RAB10: variants seen among roughly 807,000 people sequenced by gnomAD.
The protein encoded by RAB10 is RAB10, member RAS oncogene family.
RAB10 carries 5 observed loss-of-function variants against 25.7 expected under a neutral mutation model. That is an observed-to-expected ratio of 0.19 (90% CI 0.10 to 0.41). RAB10 has a LOEUF of 0.41. RAB10 is among the 10% of genes least tolerant of loss of function. RAB10 has a pLI of 1.00. For missense variants in RAB10, 103 were observed against 245.8 expected (o/e 0.42, Z 3.89); for synonymous variants, 89 against 86.4 (o/e 1.03, Z -0.16).
chr2:26,092,310 TG>T, intron 1 of RAB10, among the ~76,000 whole-genome samples: 1 of 56,002 alleles, frequency 1.8e-5, no homozygotes, highest in South Asian at 5.3e-4. Context: ...TGTGTGTGTG[TG>T]TGTGTGTGTG....
chr2:26,098,819 CT>C (rs1168434667), intron 2 of RAB10, 97 bp downstream of exon 2: 1 of 1,087,916 alleles, frequency 9.2e-7, no homozygotes, highest in Non-Finnish European at 1.3e-6. Flanking sequence ...TTCTGTGAGA[CT>C]TTTGTTTTTA....
intron 1 of RAB10, among the ~76,000 whole-genome samples, chr2:26,081,304 A>G (rs1666863737): frequency 6.6e-6 from 1 of 151,954 alleles, no homozygotes; most frequent in Admixed American, 6.6e-5. Context: ...CATAGTTTGT[A>G]CTCCCTGATA....
intron 2 of RAB10, among the ~76,000 whole-genome samples, chr2:26,099,564 G>A (rs1420076732): frequency 3.7e-5 from 4 of 108,754 alleles, no homozygotes; most frequent in Non-Finnish European, 6.9e-5. Context: ...TTTTTGAGGT[G>A]GAGTCTCGCT....
In RAB10 at chr2:26,110,983, G is replaced by C. The variant is rs562318587; in HGVS notation, c.327+1077G>C. ...GGCCTCCTGAAGTGCTAGGATTGCA[G>C]GCATGAGCCACTGCACCCAGCCTGA... is the stretch of plus-strand genomic sequence containing the variant. On this transcript the variant is annotated intron_variant, in intron 3 of 5. Coordinates refer to ENST00000264710, the MANE Select transcript of RAB10 (RefSeq NM_016131.5). Among the ~76,000 whole-genome samples the C allele has an allele frequency of 9.2e-4, 140 of 152,268 alleles. 4 individuals are homozygous for C. The South Asian group carries it at 0.028, about 30-fold the overall frequency.
chr2:26,107,364 C>T (rs576395269), intron 2 of RAB10, among the ~76,000 whole-genome samples: 1 of 152,076 alleles, frequency 6.6e-6, no homozygotes, highest in Admixed American at 6.6e-5. Flanking sequence ...TTAAAAGCTT[C>T]CTCTCTACAA....
chr2:26,103,561 A>G (rs1215557448), intron 2 of RAB10, among the ~76,000 whole-genome samples: 2 of 152,306 alleles, frequency 1.3e-5, no homozygotes, highest in East Asian at 3.9e-4. Flanking sequence ...TGGAAAGCCT[A>G]GTCATATTTT....
At chr2:26,121,055 A>C (rs1244167181) in intron 3 of RAB10, among the ~76,000 whole-genome samples, 1 of 151,796 alleles carries the variant, frequency 6.6e-6, no homozygotes, top group African/African-American at 2.4e-5. Context: ...GAGATTACAG[A>C]CGTGCATCGC....
intron 1 of RAB10, among the ~76,000 whole-genome samples, chr2:26,081,070 A>G (rs993446256): frequency 1.3e-5 from 2 of 152,130 alleles, no homozygotes; most frequent in African/African-American, 2.4e-5. Flanking sequence ...AATAAGTCTC[A>G]TGAGATCTGA....
chr2:26,063,238 TGTTGGACAGATC>T (rs992504781), intron 1 of RAB10, among the ~76,000 whole-genome samples: 20 of 152,280 alleles, frequency 1.3e-4, no homozygotes, highest in African/African-American at 4.8e-4. Flanking sequence ...ACTCCAGTCA[TGTTGGACAGATC>T]GTCTGGGAGA....
At chr2:26,045,166 G>A (rs1365768360) in intron 1 of RAB10, among the ~76,000 whole-genome samples, 1 of 152,044 alleles carries the variant, frequency 6.6e-6, no homozygotes, top group Non-Finnish European at 1.5e-5. Flanking sequence ...CATGGCAAAG[G>A]AAATACTGGT....
chr2:26,126,829 C>G (rs768275027), intron 3 of RAB10, among the ~76,000 whole-genome samples: 4 of 152,104 alleles, frequency 2.6e-5, no homozygotes, highest in Admixed American at 6.5e-5. Context: ...AATGATCCAG[C>G]CTGGATTTAG....
chr2:26,133,993 T>C (rs1156283072), intron 5 of RAB10, among the ~76,000 whole-genome samples: 2 of 151,994 alleles, frequency 1.3e-5, no homozygotes, highest in East Asian at 1.9e-4. Context: ...TTCAAAGTAA[T>C]ATTTAGTGTT....
chr2:26,037,437 G>A (rs1665786522), intron 1 of RAB10, among the ~76,000 whole-genome samples: 2 of 152,008 alleles, frequency 1.3e-5, no homozygotes, highest in Admixed American at 1.3e-4. Flanking sequence ...TCGGAAGTTC[G>A]AGACCAGCCT....
chr2:26,106,343 T>G (rs904504347), intron 2 of RAB10, among the ~76,000 whole-genome samples: 7 of 152,176 alleles, frequency 4.6e-5, no homozygotes, highest in Non-Finnish European at 7.3e-5. Context: ...AGCTTTTTAT[T>G]TAACCATAGT....
In RAB10 at chr2:26,135,616, C is replaced by G. The variant is rs1162319781; in HGVS notation, c.*595C>G. 2.0e-5 allele frequency: 3 copies of G among 152,564 alleles called. No individual in the cohort carries two copies. The highest frequency in any genetic ancestry group is 7.2e-5 in the African/African-American group (3 of 41,414). 9.5% of individuals were successfully genotyped at this position (152,564 alleles called of 1,614,324 possible). A position where few individuals can be genotyped will look rare whatever the true frequency, so the allele number is the denominator to read the frequency against. Reference sequence around the variant, plus strand: ...GGAGACATATCATCCAAACATAAACCATTAAAATGTTTGTGGTTTGCTTGG... The same window carrying G: ...GGAGACATATCATCCAAACATAAACGATTAAAATGTTTGTGGTTTGCTTGG... On this transcript the variant is annotated 3_prime_UTR_variant, in exon 6 of 6. Transcript: ENST00000264710.
chr2:26,042,176 CAG>C (rs901735585), intron 1 of RAB10, among the ~76,000 whole-genome samples: 2 of 152,206 alleles, frequency 1.3e-5, no homozygotes, highest in Non-Finnish European at 2.9e-5. Flanking sequence ...CATTTTTTAA[CAG>C]GGAATATTTT....
intron 1 of RAB10, among the ~76,000 whole-genome samples, chr2:26,055,312 C>G (rs755733583): frequency 6.6e-6 from 1 of 151,676 alleles, no homozygotes; most frequent in Non-Finnish European, 1.5e-5. Context: ...GAAATACAGG[C>G]TTTATGCCTT....
At chr2:26,067,795 A>G (rs75106048) in intron 1 of RAB10, among the ~76,000 whole-genome samples, 1 of 152,240 alleles carries the variant, frequency 6.6e-6, no homozygotes, top group Non-Finnish European at 1.5e-5. Flanking sequence ...CACCAATTCA[A>G]TGTCTGTGAA....
intron 5 of RAB10, among the ~76,000 whole-genome samples, chr2:26,131,726 G>C (rs1460957679): frequency 6.6e-6 from 1 of 151,786 alleles, no homozygotes; most frequent in Non-Finnish European, 1.5e-5. Context: ...GAGTAAATAT[G>C]AATATATATT....
Sources: gnomAD v4.1 joint callset for allele counts (sites outside exome capture counted in the v4.1 genomes callset) on GRCh38, gnomAD v4.1.1 for gene constraint, MANE v1.5 for transcripts, NCBI Gene and HGNC (gene_info 2026-07-23, HGNC 2026-07-21) for gene names.